The following GAD1 variants were observed in gnomAD, a reference collection of about 807,000 sequenced individuals.
GAD1 encodes the protein glutamate decarboxylase 1.
Under a neutral mutation model 75.2 loss-of-function variants are expected in GAD1, and 35 were observed. The observed-to-expected ratio is 0.47, with a 90% CI of 0.36 to 0.62. GAD1 has a LOEUF of 0.62. Among genes scored for constraint, GAD1 ranks in the 20% least tolerant of loss-of-function variants. The probability of loss-of-function intolerance (pLI) is 0.00; values close to 1 mark genes in which losing one functional copy is unlikely to be tolerated. For missense variants in GAD1, 490 were observed against 758.5 expected, an observed-to-expected ratio of 0.65 and a Z score of 4.16; for synonymous variants, 257 against 271.9, an observed-to-expected ratio of 0.95 and a Z score of 0.54.
intron 14 of GAD1, among the ~76,000 whole-genome samples, chr2:170,854,528 G>C (rs1702810842): frequency 6.6e-6 from 1 of 151,408 alleles, no homozygotes; most frequent in African/African-American, 2.4e-5. Context: ...AGCCTCCAGA[G>C]TAGCTGGGAC....
At chr2:170,846,282 A>G (rs1392050613) in intron 10 of GAD1, among the ~76,000 whole-genome samples, 1 of 152,166 alleles carries the variant, frequency 6.6e-6, no homozygotes, top group East Asian at 1.9e-4. Flanking sequence ...TCATTAAACT[A>G]TTTGTCCTAT....
chr2:170,836,869 G>C lies in GAD1; in HGVS notation c.624G>C (p.Thr208=). ...IGLAGEWLTS[T]ANTNMFTYEI... is the part of the protein sequence containing the mutation. ...TAGCTGGAGAATGGCTGACATCAACGGCCAATACCAACATGTAAGTCTCAT... is the reference window on the plus strand; with the variant it reads ...TAGCTGGAGAATGGCTGACATCAACCGCCAATACCAACATGTAAGTCTCAT... Residue 208 remains threonine, a synonymous_variant, in exon 6 of 17, where the codon ACG becomes ACC. Transcript: ENST00000358196. The C allele has an allele frequency of 6.2e-7, 1 of 1,612,392 alleles. No homozygotes were observed. The highest frequency in any genetic ancestry group is 8.5e-7 in the Non-Finnish European group (1 of 1,178,546).
chr2:170,859,948 T>G lies in GAD1; in HGVS notation c.*66T>G. The G allele has an allele frequency of 6.9e-7, 1 of 1,445,262 alleles. No individual in the cohort carries two copies. Among genetic ancestry groups the G allele is most frequent in the Non-Finnish European group, 9.7e-7 (1 of 1,036,242 alleles). The allele number at this position is 1,445,262 out of a possible 1,614,324, so 89.5% of individuals were successfully genotyped here. On this transcript the variant is annotated 3_prime_UTR_variant, in exon 17 of 17. Transcript: ENST00000358196. The stretch of plus-strand genomic sequence containing the variant: ...CCTCTGGCACTCCAGAACAAACCTC[T>G]ATATGTTGCTGAAACACACAGGCCA...
chr2:170,833,893 T>G (rs925306979), intron 5 of GAD1, among the ~76,000 whole-genome samples: 5 of 151,942 alleles, frequency 3.3e-5, no homozygotes, highest in African/African-American at 1.2e-4. Flanking sequence ...CCAGCTACTC[T>G]GGAGGCTGCA....
chr2:170,855,294 C>G (rs1210405671), intron 14 of GAD1, among the ~76,000 whole-genome samples: 1 of 151,128 alleles, frequency 6.6e-6, no homozygotes, highest in African/African-American at 2.4e-5. Flanking sequence ...CTGCAACCTC[C>G]GTCTCCCAGA....
intron 3 of GAD1, among the ~76,000 whole-genome samples, chr2:170,826,741 G>A (rs1356899468): frequency 2.6e-5 from 4 of 152,142 alleles, no homozygotes; most frequent in Non-Finnish European, 4.4e-5. Context: ...CTAAGCAGGC[G>A]TCGGGGACAA....
chr2:170,831,277 T>A (rs1274609576), intron 5 of GAD1, 85 bp downstream of exon 5: 1 of 1,481,464 alleles, frequency 6.8e-7, no homozygotes, highest in African/African-American at 1.4e-5. Context: ...CAAACTTGTG[T>A]TGGAAGAAAA....
Position 170,849,367 on chromosome 2 carries a change from G to T in GAD1, c.1184+17G>T. 3.1e-6 allele frequency: 5 copies of T among 1,613,024 alleles called. No homozygotes were observed. Among genetic ancestry groups the T allele is most frequent in the Non-Finnish European group, 4.2e-6 (5 of 1,179,200 alleles). ...CATAGAAAGGTAACGGCCAGAACTC[G>T]CCAGGCCTCCTTCCACCCAGCACAT... On this transcript the variant is annotated intron_variant, in intron 12 of 16. Coordinates refer to ENST00000358196, the MANE Select transcript of GAD1 (RefSeq NM_000817.3).
intron 3 of GAD1, among the ~76,000 whole-genome samples, chr2:170,823,696 C>G (rs1231837934): frequency 1.3e-5 from 2 of 151,548 alleles, no homozygotes; most frequent in Non-Finnish European, 2.9e-5. Context: ...CTTAATGGCC[C>G]GTTTCGCGCC....
At position 170,848,661 on chromosome 2, in the gene GAD1, TTC is replaced by T. The variant is rs751377999; in HGVS notation, c.1120-619_1120-618del. 7.8e-6 allele frequency: 4 copies of T among 511,494 alleles called. No individual in the cohort carries two copies. The East Asian group carries it at 2.2e-4, about 28-fold the overall frequency. The allele number at this position is 511,494 out of a possible 1,614,324, so 31.7% of individuals were successfully genotyped here. On this transcript the variant is annotated intron_variant, in intron 11 of 16. Coordinates refer to ENST00000358196, the MANE Select transcript of GAD1 (RefSeq NM_000817.3). ...TGACTGGGTGTATTTTTTTTTTTCT[TTC>T]TCTCTGCCCATTTTCTTAGGGATTT...
rs981392006 is a variant in GAD1 at position 170,836,721 on chromosome 2, G to C, written c.548-72G>C. The C allele has an allele frequency of 3.2e-5, 32 of 1,010,686 alleles. No homozygotes were observed. In the African/African-American group the frequency reaches 4.1e-4, roughly 13 times the overall value. The allele number at this position is 1,010,686 out of a possible 1,614,324, so 62.6% of individuals were successfully genotyped here. A position where few individuals can be genotyped will look rare whatever the true frequency, so the allele number is the denominator to read the frequency against. ...AAGCCCCATCAGTGTGACCCAGTGG[G>C]GCAGGCCGTTTGCCTTCAAGATAGG... is the stretch of plus-strand genomic sequence containing the variant. On this transcript the variant is annotated intron_variant, in intron 5 of 16. Coordinates refer to ENST00000358196, the MANE Select transcript of GAD1 (RefSeq NM_000817.3).
chr2:170,821,072 A>G (rs1701863927), intron 2 of GAD1, among the ~76,000 whole-genome samples: 1 of 152,114 alleles, frequency 6.6e-6, no homozygotes, highest in South Asian at 2.1e-4. Context: ...CTCAGGTTTA[A>G]TGGATGTCAC....
At chr2:170,846,118 C>A (rs1398644037) in intron 10 of GAD1, 55 bp downstream of exon 10, 2 of 1,407,670 alleles carry the variant, frequency 1.4e-6, no homozygotes, top group South Asian at 1.2e-5. Context: ...TCTTTCTGTC[C>A]TAGACAAAAA....
At chr2:170,842,819 C>CT (rs1406576339) in intron 6 of GAD1, 6 of 1,178,310 alleles carry the variant, frequency 5.1e-6, no homozygotes, top group African/African-American at 4.7e-5. Context: ...AATTTGACTG[C>CT]TTTTTTCATC....
rs553952094 is a variant in GAD1, at chr2:170,853,155, G to A, written c.1263+363G>A. 1.5e-5 allele frequency: 5 copies of A among 333,892 alleles called. No homozygotes were observed. In the Admixed American group the frequency reaches 1.7e-4, roughly 11 times the overall value. The allele number at this position is 333,892 out of a possible 1,614,324, so 20.7% of individuals were successfully genotyped here. On this transcript the variant is annotated intron_variant, in intron 13 of 16. Transcript: ENST00000358196. The surrounding 1 kb of genome is among the most constrained non-coding windows in gnomAD (Gnocchi z 4.1). ...CAAAAGCACTCACTGGAGCATACTC[G>A]GAGTTCTTAGTATAAACGTGTGGTC...
chr2:170,853,774 A>G lies in GAD1; in HGVS notation c.1264-99A>G, dbSNP rs1041828182. 6.9e-6 allele frequency: 8 copies of G among 1,163,190 alleles called. No homozygotes were observed. In the South Asian group the frequency reaches 7.4e-5, roughly 11 times the overall value. The allele number at this position is 1,163,190 out of a possible 1,614,324, so 72.1% of individuals were successfully genotyped here. On this transcript the variant is annotated intron_variant, in intron 13 of 16. Coordinates refer to ENST00000358196, the MANE Select transcript of GAD1 (RefSeq NM_000817.3). This position sits in a 1 kb window ranked among gnomAD's most constrained non-coding sequence, Gnocchi z 4.1. ...ATAAAGACATCAGAAGAAAGATTGCATATGACCCCAAGCCCCTCCTTCCAA... is the reference window on the plus strand; with the variant it reads ...ATAAAGACATCAGAAGAAAGATTGCGTATGACCCCAAGCCCCTCCTTCCAA...
At chr2:170,858,721 C>T in intron 15 of GAD1, 83 bp from the exon 16 acceptor site, 1 of 1,209,074 alleles carries the variant, frequency 8.3e-7, no homozygotes, top group East Asian at 2.4e-5. Flanking sequence ...AAGAGACTTC[C>T]ACCAAGGATG....
In GAD1 at chr2:170,853,498, A is replaced by G; in HGVS notation, c.1264-375A>G. 3.6e-6 allele frequency: 1 copy of G among 275,250 alleles called. No individual in the cohort carries two copies. The highest frequency in any genetic ancestry group is 7.1e-6 in the Non-Finnish European group (1 of 140,006). The allele number at this position is 275,250 out of a possible 1,614,324, so 17.1% of individuals were successfully genotyped here. On this transcript the variant is annotated intron_variant, in intron 13 of 16. Coordinates refer to ENST00000358196, the MANE Select transcript of GAD1 (RefSeq NM_000817.3). This position sits in a 1 kb window ranked among gnomAD's most constrained non-coding sequence, Gnocchi z 4.1. ...AAGACTTTTGCCAGAGCGCTTTTGG[A>G]GAGAAAAATTCTTCACAGCATGAAA...
rs772763600 is a variant in GAD1, at chr2:170,859,892, G to A, written c.*10G>A. ...GGGCCAGGATCTGTAATCATCCTTCGCAGAACATGAGTTTATGGGAATGCC... is the reference window on the plus strand; with the variant it reads ...GGGCCAGGATCTGTAATCATCCTTCACAGAACATGAGTTTATGGGAATGCC... On this transcript the variant is annotated 3_prime_UTR_variant, in exon 17 of 17. Coordinates refer to ENST00000358196, the MANE Select transcript of GAD1 (RefSeq NM_000817.3). 8.7e-6 allele frequency: 14 copies of A among 1,613,210 alleles called. No individual in the cohort carries two copies. The highest frequency in any genetic ancestry group is 1.7e-4 in the Middle Eastern group (1 of 6,048).
Sources: allele counts gnomAD v4.1 joint callset (sites outside exome capture counted in the v4.1 genomes callset), GRCh38; gene constraint gnomAD v4.1.1; non-coding constraint Gnocchi (gnomAD v3.1); transcripts MANE v1.5; gene names NCBI Gene and HGNC (gene_info 2026-07-23, HGNC 2026-07-21).